Variants in SHC4 observed in about 807,000 individuals in gnomAD.
The protein encoded by SHC4 is SHC adaptor protein 4, also known as SHC-transforming protein 4.
Under a neutral mutation model 69.4 loss-of-function variants are expected in SHC4, and 41 were observed. That is an observed-to-expected ratio of 0.59 (90% CI 0.46 to 0.77). The LOEUF (loss-of-function observed/expected upper bound fraction) is 0.77. Ranked by LOEUF, SHC4 falls within the 30% of genes least tolerant of loss-of-function variation. The pLI is 0.00. For missense variants in SHC4, 777 were observed against 783.8 expected (o/e 0.99, Z 0.10); for synonymous variants, 318 against 299.3 (o/e 1.06, Z -0.64).
chr15:48,890,067 C>T (rs771562704), intron 3 of SHC4, among the ~76,000 whole-genome samples: 6 of 152,164 alleles, frequency 3.9e-5, no homozygotes, highest in Non-Finnish European at 7.3e-5. Context: ...GTAGACATCA[C>T]TTCGTTTATT....
intron 1 of SHC4, among the ~76,000 whole-genome samples, chr15:48,945,438 T>C (rs192666968): frequency 8.9e-4 from 135 of 152,320 alleles, no homozygotes; most frequent in African/African-American, 3.2e-3. Context: ...ATAGCACTAT[T>C]CATAATAGCC....
chr15:48,932,623 C>G (rs957927414), intron 1 of SHC4, among the ~76,000 whole-genome samples: 3 of 152,160 alleles, frequency 2.0e-5, no homozygotes, highest in Non-Finnish European at 2.9e-5. Flanking sequence ...CCATGTCCAT[C>G]TTATTAACAC....
At chr15:48,879,511 C>T (rs750890434) in intron 4 of SHC4, 6 of 166,962 alleles carry the variant, frequency 3.6e-5, no homozygotes, top group Non-Finnish European at 7.3e-5. Flanking sequence ...GAAAACAAAC[C>T]ATTGCTTATG....
At chr15:48,863,701 CT>C (rs1466889317) in intron 6 of SHC4, among the ~76,000 whole-genome samples, 1 of 152,138 alleles carries the variant, frequency 6.6e-6, no homozygotes, top group East Asian at 1.9e-4. Context: ...CACATTTTAT[CT>C]TTTTTCAATG....
intron 1 of SHC4, among the ~76,000 whole-genome samples, chr15:48,953,792 A>T (rs2141040798): frequency 6.6e-6 from 1 of 152,296 alleles, no homozygotes; most frequent in East Asian, 1.9e-4. Flanking sequence ...ATCTGTCCTA[A>T]TGTGGACATC....
At chr15:48,842,274 A>G (rs1899006421) in intron 10 of SHC4, among the ~76,000 whole-genome samples, 1 of 152,216 alleles carries the variant, frequency 6.6e-6, no homozygotes. Flanking sequence ...TGCTTTATAG[A>G]TGACTTATTA....
intron 2 of SHC4, among the ~76,000 whole-genome samples, chr15:48,909,296 T>TC (rs1900465541): frequency 6.6e-6 from 1 of 151,480 alleles, no homozygotes; most frequent in East Asian, 1.9e-4. Flanking sequence ...AGGATTTTTT[T>TC]TTTTTGCACT....
At chr15:48,851,106 A>C (rs1293092012) in intron 9 of SHC4, 82 bp downstream of exon 9, 12 of 1,375,536 alleles carry the variant, frequency 8.7e-6, no homozygotes, top group Non-Finnish European at 1.2e-5. Flanking sequence ...TCAATGAAGT[A>C]TTTAAGAGCA....
At chr15:48,892,077 G>A (rs1232582783) in intron 2 of SHC4, among the ~76,000 whole-genome samples, 4 of 152,088 alleles carry the variant, frequency 2.6e-5, no homozygotes, top group East Asian at 2.0e-4. Context: ...GGATGGTCTC[G>A]ATCTCCTGAC....
intron 2 of SHC4, among the ~76,000 whole-genome samples, chr15:48,915,775 C>T (rs1466642183): frequency 6.6e-6 from 1 of 152,318 alleles, no homozygotes; most frequent in South Asian, 2.1e-4. Context: ...AGCTACAGTG[C>T]TTGTTTTCAA....
intron 9 of SHC4, among the ~76,000 whole-genome samples, chr15:48,850,192 G>A (rs1229591019): frequency 6.6e-6 from 1 of 151,954 alleles, no homozygotes; most frequent in Non-Finnish European, 1.5e-5. Flanking sequence ...AACAGAGTGA[G>A]CCTTTGTCTG....
At chr15:48,890,356 T>C (rs1366760391) in intron 3 of SHC4, among the ~76,000 whole-genome samples, 2 of 152,188 alleles carry the variant, frequency 1.3e-5, no homozygotes, top group African/African-American at 4.8e-5. Flanking sequence ...TAATGCAGAA[T>C]ACATACATTA....
At chr15:48,878,222 G>A in intron 4 of SHC4, 1 of 1,602,946 alleles carries the variant, frequency 6.2e-7, no homozygotes, top group Non-Finnish European at 8.5e-7. Flanking sequence ...AGAGAGCAGT[G>A]ACCTGCAGAT....
intron 11 of SHC4, among the ~76,000 whole-genome samples, chr15:48,833,205 A>T (rs1036760354): frequency 6.6e-6 from 1 of 152,124 alleles, no homozygotes; most frequent in African/African-American, 2.4e-5. Context: ...GCCCAAATAG[A>T]GATTCTGGGG....
At chr15:48,876,609 G>A (rs1899805554) in intron 4 of SHC4, 1 of 697,468 alleles carries the variant, frequency 1.4e-6, no homozygotes, top group Admixed American at 2.0e-5. Context: ...GCCAGTCCGA[G>A]TTCTGAAACT....
At chr15:48,859,675 T>C (rs1899401346) in intron 6 of SHC4, among the ~76,000 whole-genome samples, 1 of 152,206 alleles carries the variant, frequency 6.6e-6, no homozygotes, top group Non-Finnish European at 1.5e-5. Context: ...TGCTACTGTA[T>C]GAAATTGTCT....
At chr15:48,855,054 G>A (rs1407758052) in intron 8 of SHC4, among the ~76,000 whole-genome samples, 1 of 152,122 alleles carries the variant, frequency 6.6e-6, no homozygotes, top group Non-Finnish European at 1.5e-5. Flanking sequence ...GGAGGAGGGT[G>A]AGGATTTAAA....
intron 10 of SHC4, among the ~76,000 whole-genome samples, chr15:48,838,175 T>C (rs910500693): frequency 6.6e-6 from 1 of 151,880 alleles, no homozygotes; most frequent in Admixed American, 6.6e-5. Flanking sequence ...AAGAGAAGAG[T>C]AAAATAAGGA....
At chr15:48,912,394 C>T (rs1900523208) in intron 2 of SHC4, among the ~76,000 whole-genome samples, 1 of 152,150 alleles carries the variant, frequency 6.6e-6, no homozygotes, top group African/African-American at 2.4e-5. Flanking sequence ...CTTTCCAGAG[C>T]ATTTCACATT....
Sources: allele counts gnomAD v4.1 joint callset (sites outside exome capture counted in the v4.1 genomes callset), GRCh38; gene constraint gnomAD v4.1.1; transcripts MANE v1.5; gene names NCBI Gene and HGNC (gene_info 2026-07-23, HGNC 2026-07-21).